The following MGMT variants were observed in gnomAD, a reference collection of about 807,000 sequenced individuals.
MGMT encodes the protein O-6-methylguanine-DNA methyltransferase.
MGMT carries 14 observed loss-of-function variants against 15.9 expected under a neutral mutation model. That is an observed-to-expected ratio of 0.88 (90% confidence interval 0.58 to 1.37). MGMT has a LOEUF of 1.37. MGMT is among the 40% of genes most tolerant of loss of function. MGMT has a pLI of 0.00. For synonymous variants in MGMT, 130 were observed against 118.2 expected, an observed-to-expected ratio of 1.10 and a Z score of -0.65; for missense variants, 282 against 268.1, an observed-to-expected ratio of 1.05 and a Z score of -0.36.
At chr10:129,475,668 C>T (rs989363757) in intron 1 of MGMT, among the ~76,000 whole-genome samples, 6 of 152,310 alleles carry the variant, frequency 3.9e-5, no homozygotes, top group Admixed American at 1.3e-4. Flanking sequence ...CTCCCAGTGC[C>T]TCTGCAGGCC....
At chr10:129,630,959 A>G (rs1847203318) in intron 2 of MGMT, among the ~76,000 whole-genome samples, 1 of 152,224 alleles carries the variant, frequency 6.6e-6, no homozygotes. Context: ...CCAGAAATCT[A>G]GATGTACACT....
At chr10:129,699,425 C>T (rs1046843005) in intron 2 of MGMT, among the ~76,000 whole-genome samples, 2 of 151,490 alleles carry the variant, frequency 1.3e-5, no homozygotes, top group African/African-American at 2.4e-5. Flanking sequence ...TAATTTGAGC[C>T]CCAGATATTG....
intron 1 of MGMT, among the ~76,000 whole-genome samples, chr10:129,522,464 C>T (rs12258702): frequency 0.27 from 40,782 of 152,116 alleles, 7,001 homozygotes; most frequent in African/African-American, 0.49. Context: ...TCCTGGAGCC[C>T]CCATCCCACA....
intron 2 of MGMT, among the ~76,000 whole-genome samples, chr10:129,586,096 T>C (rs1846615095): frequency 6.6e-6 from 1 of 152,196 alleles, no homozygotes; most frequent in African/African-American, 2.4e-5. Flanking sequence ...ATCCCACTAC[T>C]CAGAATGGTG....
At chr10:129,642,970 C>T (rs1847344793) in intron 2 of MGMT, among the ~76,000 whole-genome samples, 1 of 152,048 alleles carries the variant, frequency 6.6e-6, no homozygotes, top group African/African-American at 2.4e-5. Context: ...TAAAAGAGCA[C>T]CAGGAAGCAT....
In MGMT at chr10:129,491,163, G is replaced by T. The variant is rs1313008576; in HGVS notation, c.-13+23867G>T. ...TGACTTCTGCTTGAAGGACTTGTTT[G>T]TTTACTTAGTTTTTAATGCTAGTCA... On this transcript the variant is annotated intron_variant, in intron 1 of 4. Coordinates refer to ENST00000651593, the MANE Select transcript of MGMT (RefSeq NM_002412.5). Among the ~76,000 whole-genome samples the T allele has an allele frequency of 2.6e-5, 4 of 151,830 alleles. No individual in the cohort carries two copies. In the East Asian group the frequency reaches 7.8e-4, roughly 29 times the overall value.
At chr10:129,637,350 CCTT>C (rs1319849292) in intron 2 of MGMT, among the ~76,000 whole-genome samples, 1 of 152,188 alleles carries the variant, frequency 6.6e-6, no homozygotes. Flanking sequence ...GGGCTCTTCT[CCTT>C]CTTAGAATTC....
intron 1 of MGMT, among the ~76,000 whole-genome samples, chr10:129,524,416 A>C (rs959708279): frequency 6.6e-6 from 1 of 152,046 alleles, no homozygotes; most frequent in Non-Finnish European, 1.5e-5. Context: ...GTGCGTGTAC[A>C]CCTGAGTGTA....
intron 2 of MGMT, among the ~76,000 whole-genome samples, chr10:129,582,274 G>A (rs1846565705): frequency 6.6e-6 from 1 of 152,212 alleles, no homozygotes; most frequent in South Asian, 2.1e-4. Flanking sequence ...CCAAGGCTGT[G>A]ACCATTGTGA....
intron 2 of MGMT, among the ~76,000 whole-genome samples, chr10:129,678,684 C>T (rs1847813340): frequency 6.6e-6 from 1 of 152,116 alleles, no homozygotes; most frequent in Non-Finnish European, 1.5e-5. Flanking sequence ...GGGCGAAATC[C>T]ACTCCCTAAT....
chr10:129,703,812 C>T (rs570393644), intron 2 of MGMT, among the ~76,000 whole-genome samples: 10 of 152,304 alleles, frequency 6.6e-5, no homozygotes, highest in East Asian at 1.9e-4. Flanking sequence ...TCCCATCCCT[C>T]GAACCCTGAA....
chr10:129,540,809 T>G (rs1177946923), intron 2 of MGMT, among the ~76,000 whole-genome samples: 1 of 152,218 alleles, frequency 6.6e-6, no homozygotes, highest in Non-Finnish European at 1.5e-5. Context: ...GCCATCTGGG[T>G]CTGGTGTCAG....
intron 2 of MGMT, among the ~76,000 whole-genome samples, chr10:129,645,660 T>C (rs112404172): frequency 0.05 from 7,543 of 152,304 alleles, 221 homozygotes; most frequent in Middle Eastern, 0.088. Flanking sequence ...GGTTTTCCAC[T>C]GGGTCTCCAA....
intron 2 of MGMT, among the ~76,000 whole-genome samples, chr10:129,619,577 TTAAG>T (rs773887110): frequency 8.9e-4 from 136 of 152,292 alleles, no homozygotes; most frequent in Admixed American, 3.2e-3. Flanking sequence ...TTTTTTTTAT[TTAAG>T]TGTTTAAAAA....
At chr10:129,634,333 T>C (rs1847242352) in intron 2 of MGMT, among the ~76,000 whole-genome samples, 1 of 152,242 alleles carries the variant, frequency 6.6e-6, no homozygotes, top group South Asian at 2.1e-4. Context: ...GTTCTTCATG[T>C]GTCTTTTACT....
intron 1 of MGMT, among the ~76,000 whole-genome samples, chr10:129,505,428 A>C (rs1238991498): frequency 6.6e-6 from 1 of 152,262 alleles, no homozygotes; most frequent in East Asian, 1.9e-4. Flanking sequence ...TATGTGATAA[A>C]TATGTAAAGT....
At chr10:129,692,906 G>A (rs182386260) in intron 2 of MGMT, among the ~76,000 whole-genome samples, 7 of 152,332 alleles carry the variant, frequency 4.6e-5, no homozygotes, top group African/African-American at 1.2e-4. Flanking sequence ...CTCATCCGTC[G>A]TTCCCAGTGT....
chr10:129,506,985 G>T (rs12764733), intron 1 of MGMT, among the ~76,000 whole-genome samples: 3 of 152,112 alleles, frequency 2.0e-5, no homozygotes, highest in Non-Finnish European at 4.4e-5. Context: ...CTGCCACTTA[G>T]GGGCCATGTG....
Position 129,471,206 on chromosome 10 carries a change from G to A in MGMT, c.-13+3910G>A, listed in dbSNP as rs574858639. 5.3e-5 allele frequency among the ~76,000 whole-genome samples: 8 copies of A among 152,298 alleles called. No homozygotes were observed. In the East Asian group the frequency reaches 7.7e-4, roughly 15 times the overall value. On this transcript the variant is annotated intron_variant, in intron 1 of 4. Coordinates refer to ENST00000651593, the MANE Select transcript of MGMT (RefSeq NM_002412.5). ...ATGGACATTTTTCTGCAAGCACAGCGCGGGTGGCAGTTTTTACTGACAAAT... is the reference window on the plus strand; with the variant it reads ...ATGGACATTTTTCTGCAAGCACAGCACGGGTGGCAGTTTTTACTGACAAAT...
Sources: gnomAD v4.1 joint callset for allele counts (sites outside exome capture counted in the v4.1 genomes callset) on GRCh38, gnomAD v4.1.1 for gene constraint, MANE v1.5 for transcripts, NCBI Gene and HGNC (gene_info 2026-07-23, HGNC 2026-07-21) for gene names.